ZNF44: variants seen among roughly 807,000 people sequenced by gnomAD.
The protein encoded by ZNF44 is zinc finger protein 44.
Under a neutral mutation model 11.7 loss-of-function variants are expected in ZNF44, and 9 were observed. That is an observed-to-expected ratio of 0.77 (90% CI 0.46 to 1.35). The LOEUF (loss-of-function observed/expected upper bound fraction) is 1.35, where lower values mean the gene tolerates loss of function less well. ZNF44 is among the 40% of genes most tolerant of loss of function. The pLI is 0.00. For synonymous variants in ZNF44, 224 were observed against 242.7 expected, an observed-to-expected ratio of 0.92 and a Z score of 0.72; for missense variants, 696 against 743.1, an observed-to-expected ratio of 0.94 and a Z score of 0.74.
At chr19:12,238,495 G>A (rs548487370), upstream of ZNF44, among the ~76,000 whole-genome samples, 3 of 152,238 alleles carry the variant, frequency 2.0e-5, no homozygotes, top group African/African-American at 7.2e-5. Context: ...GGGCGTGGTG[G>A]CACGTGCCTG....
At chr19:12,231,596 A>G (rs987645554) in intron 2 of ZNF44, among the ~76,000 whole-genome samples, 4 of 152,224 alleles carry the variant, frequency 2.6e-5, no homozygotes, top group African/African-American at 9.6e-5. Context: ...GGGGAAATGG[A>G]GGTGAAAGAC....
chr19:12,274,958 A>G lies in ZNF44; in HGVS notation c.191+15T>C, dbSNP rs1183901701. The G allele has an allele frequency of 1.1e-5, 17 of 1,573,832 alleles. No homozygotes were observed. The highest frequency in any genetic ancestry group is 4.1e-5 in the African/African-American group (3 of 72,796). ...ACTGCAAGGACATCACCTGTCTCTT[A>G]TAAGTACAAATTACCTTGGATTTCT... On this transcript the variant is annotated intron_variant, in intron 3 of 3. Coordinates refer to ENST00000355684, the MANE Select transcript of ZNF44 (RefSeq NM_016264.4).
intron 1 of ZNF44, 117 bp downstream of exon 1, chr19:12,294,575 C>G: frequency 7.1e-7 from 1 of 1,406,550 alleles, no homozygotes; most frequent in Non-Finnish European, 9.5e-7. Context: ...GCAGGGGGCG[C>G]TCAGGTCCCA....
At chr19:12,246,442 G>C (rs1390188545), downstream of ZNF44, among the ~76,000 whole-genome samples, 3 of 152,172 alleles carry the variant, frequency 2.0e-5, no homozygotes, top group Non-Finnish European at 2.9e-5. Context: ...TTCTCCTGAG[G>C]AAGGTGGAAT....
upstream of ZNF44, among the ~76,000 whole-genome samples, chr19:12,240,720 T>C (rs1381818898): frequency 1.3e-5 from 2 of 152,192 alleles, no homozygotes; most frequent in Admixed American, 1.3e-4. Flanking sequence ...TTTAAACATA[T>C]GTTGTTGGGA....
downstream of ZNF44, among the ~76,000 whole-genome samples, chr19:12,243,602 T>G (rs1387128942): frequency 6.6e-6 from 1 of 152,246 alleles, no homozygotes. Context: ...TTGACTATTG[T>G]GAATAATGCT....
chr19:12,243,969 T>C (rs1916698032), downstream of ZNF44, among the ~76,000 whole-genome samples: 1 of 152,162 alleles, frequency 6.6e-6, no homozygotes, highest in African/African-American at 2.4e-5. Flanking sequence ...GAAAAAAATG[T>C]CCACTCAGGG....
chr19:12,275,816 G>T, intron 2 of ZNF44, 140 bp downstream of exon 2: 1 of 1,097,662 alleles, frequency 9.1e-7, no homozygotes, highest in Non-Finnish European at 1.3e-6. Context: ...ACATACAACA[G>T]GTTGGGGCCT....
intron 1 of ZNF44, among the ~76,000 whole-genome samples, chr19:12,282,583 G>A (rs913591451): frequency 6.6e-6 from 1 of 151,898 alleles, no homozygotes; most frequent in Non-Finnish European, 1.5e-5. Context: ...TACCATGCCC[G>A]GCTAATTTTT....
chr19:12,263,797 C>T (rs1433907501), intron 5 of ZNF44, among the ~76,000 whole-genome samples: 5 of 151,722 alleles, frequency 3.3e-5, no homozygotes, highest in Non-Finnish European at 7.4e-5. Context: ...TGGTGGCAGG[C>T]GCCTGTAGTC....
Position 12,248,469 on chromosome 19 carries a change from T to C in ZNF44, c.*396A>G, listed in dbSNP as rs1010915728. ...TTTATATGGCTTCTCTCCATATTCC[T>C]GACACTTATACAGTTTGTGTCTGGT... On this transcript the variant is annotated 3_prime_UTR_variant and NMD_transcript_variant, in exon 8 of 8. Transcript: ENST00000393337. 1.7e-5 allele frequency: 22 copies of C among 1,290,854 alleles called. No individual in the cohort carries two copies. The African/African-American group carries it at 3.2e-4, about 19-fold the overall frequency. 80.0% of individuals were successfully genotyped at this position (1,290,854 alleles called of 1,614,324 possible).
rs999244104 is a variant in ZNF44 at position 12,272,815 on chromosome 19, C to T, written c.1440G>A (p.Glu480=). ...HSEEEPYECK[E]CGKAFSSFKY... ...TAAAAGAACTAAATGCTTTCCCACA[C>T]TCCTTACATTCATAAGGCTCCTCTT... is the stretch of plus-strand genomic sequence containing the variant. Residue 480 remains glutamate (E), a synonymous_variant, in exon 4 of 4, where the codon GAG becomes GAA. Coordinates refer to ENST00000355684, the MANE Select transcript of ZNF44 (RefSeq NM_016264.4). 1.9e-6 allele frequency: 3 copies of T among 1,613,930 alleles called. No homozygotes were observed. Among genetic ancestry groups the T allele is most frequent in the Middle Eastern group, 1.7e-4 (1 of 6,060 alleles).
In ZNF44 at chr19:12,279,880, TTCA is replaced by T; in HGVS notation, c.4-3801_4-3799del. Among the ~76,000 whole-genome samples the T allele has an allele frequency of 3.5e-5, 3 of 85,250 alleles. No individual in the cohort carries two copies. In the East Asian group the frequency reaches 9.9e-4, roughly 28 times the overall value. The allele number at this position is 85,250 out of a possible 152,430, so 55.9% of individuals were successfully genotyped here. A position where few individuals can be genotyped will look rare whatever the true frequency, so the allele number is the denominator to read the frequency against. ...GGTCTGAGTTAAAAAAAAAAAGAAG[TTCA>T]TCAGAAAGAAAAAAATGATATGGGT... is the stretch of plus-strand genomic sequence containing the variant. On this transcript the variant is annotated intron_variant, in intron 1 of 3. Coordinates refer to ENST00000355684, the MANE Select transcript of ZNF44 (RefSeq NM_016264.4).
chr19:12,267,115 G>A (rs1189303544), downstream of ZNF44, among the ~76,000 whole-genome samples: 1 of 150,548 alleles, frequency 6.6e-6, no homozygotes, highest in Non-Finnish European at 1.5e-5. Context: ...CATGATCTCG[G>A]GTCACTGCAA....
intron 1 of ZNF44, chr19:12,293,220 C>CA (rs61371676): frequency 6.5e-7 from 1 of 1,535,164 alleles, no homozygotes; most frequent in East Asian, 2.4e-5. Context: ...CCTCCCACCC[C>CA]AGTGCATCCA....
At chr19:12,294,512 C>T (rs537401711) in intron 1 of ZNF44, among the ~76,000 whole-genome samples, 180 bp downstream of exon 1, 1 of 152,332 alleles carries the variant, frequency 6.6e-6, no homozygotes, top group South Asian at 2.1e-4. Context: ...CCCGGGGTCC[C>T]GGCTGCCGGC....
chr19:12,242,748 A>T (rs1262071521), downstream of ZNF44: 1 of 150,908 alleles, frequency 6.6e-6, no homozygotes, highest in African/African-American at 2.4e-5. Flanking sequence ...GCTATTCAGG[A>T]GGCTGAGGTG....
chr19:12,246,360 T>C, downstream of ZNF44, among the ~76,000 whole-genome samples: 1 of 152,292 alleles, frequency 6.6e-6, no homozygotes, highest in Middle Eastern at 3.4e-3. Flanking sequence ...GACTATATTG[T>C]ATAACCTTGG....
In ZNF44 at chr19:12,259,831, T is replaced by G. The variant is rs189024443; in HGVS notation, c.1913-9463A>C. ...AACCCAAAGGTCAAGCTCTCTGTTG[T>G]GGGAGAGGCGCATGAAGCAGCAGCA... is the stretch of plus-strand genomic sequence containing the variant. On this transcript the variant is annotated intron_variant and NMD_transcript_variant, in intron 5 of 7. Coordinates refer to the ZNF44 transcript ENST00000393337. Among the ~76,000 whole-genome samples the G allele has an allele frequency of 2.5e-4, 38 of 152,328 alleles. 1 individual carries two copies. The East Asian group carries it at 7.3e-3, about 29-fold the overall frequency.
Sources: gnomAD v4.1 joint callset for allele counts (sites outside exome capture counted in the v4.1 genomes callset) on GRCh38, gnomAD v4.1.1 for gene constraint, MANE v1.5 for transcripts, NCBI Gene and HGNC (gene_info 2026-07-23, HGNC 2026-07-21) for gene names.